The following SYCP2L variants were observed in gnomAD, a reference collection of about 807,000 sequenced individuals.
The protein encoded by SYCP2L is synaptonemal complex protein 2 like.
In SYCP2L, 98 loss-of-function variants were observed where a neutral mutation model predicts 125.8. The ratio of observed to expected loss-of-function variants is 0.78; its 90% CI spans 0.66 to 0.92. The LOEUF (loss-of-function observed/expected upper bound fraction) is 0.92, where lower values mean the gene tolerates loss of function less well. SYCP2L is among the 40% of genes least tolerant of loss of function. SYCP2L has a pLI of 0.00. For missense variants in SYCP2L, 842 were observed against 936.4 expected, an observed-to-expected ratio of 0.90 and a Z score of 1.32; for synonymous variants, 317 against 325.4, an observed-to-expected ratio of 0.97 and a Z score of 0.28.
chr6:10,887,266 C>T, intron 1 of SYCP2L, 131 bp downstream of exon 1: 1 of 1,235,988 alleles, frequency 8.1e-7, no homozygotes, highest in Non-Finnish European at 1.2e-6. Context: ...GCATAGTCCC[C>T]CGCCACCTCC....
At chr6:10,932,683 T>C (rs923937322) in intron 20 of SYCP2L, among the ~76,000 whole-genome samples, 2 of 152,110 alleles carry the variant, frequency 1.3e-5, no homozygotes, top group Admixed American at 1.3e-4. Flanking sequence ...CAGTTAGAAA[T>C]GGACCCAAAG....
At chr6:10,952,566 C>G (rs1419381559) in intron 23 of SYCP2L, among the ~76,000 whole-genome samples, 2 of 136,740 alleles carry the variant, frequency 1.5e-5, no homozygotes, top group Admixed American at 1.6e-4. Context: ...TGGGCTATTG[C>G]TACAAATTTG....
intron 23 of SYCP2L, among the ~76,000 whole-genome samples, chr6:10,950,928 G>A (rs996468466): frequency 3.3e-5 from 5 of 152,010 alleles, no homozygotes; most frequent in Non-Finnish European, 7.4e-5. Flanking sequence ...CCAAAGTGCT[G>A]GGATTATAGG....
intron 8 of SYCP2L, among the ~76,000 whole-genome samples, chr6:10,903,574 ACTCTAT>A (rs1056461496): frequency 9.3e-5 from 14 of 151,330 alleles, no homozygotes; most frequent in African/African-American, 2.9e-4. Flanking sequence ...AAAAAAAGAA[ACTCTAT>A]CTCTACTAAA....
chr6:10,962,374 G>A (rs1471727022), intron 28 of SYCP2L, among the ~76,000 whole-genome samples: 1 of 148,730 alleles, frequency 6.7e-6, no homozygotes, highest in Non-Finnish European at 1.5e-5. Context: ...CACAGTTAAT[G>A]ATGATGACTG....
At position 10,912,582 on chromosome 6, in the gene SYCP2L, G is replaced by A. The variant is rs939939276; in HGVS notation, c.919-91G>A. The stretch of plus-strand genomic sequence containing the variant: ...CTAGGATAATGCTGTTCCAGGAAGA[G>A]CACAAATTCTATTTTCAAGGGAATA... On this transcript the variant is annotated intron_variant, in intron 12 of 29. Transcript: ENST00000283141. This position sits in a 1 kb window ranked among gnomAD's most constrained non-coding sequence, Gnocchi z 4.1. 2.2e-6 allele frequency: 2 copies of A among 927,136 alleles called. No individual in the cohort carries two copies. Among genetic ancestry groups the A allele is most frequent in the Non-Finnish European group, 3.3e-6 (2 of 597,196 alleles). 57.4% of individuals were successfully genotyped at this position (927,136 alleles called of 1,614,324 possible). A position where few individuals can be genotyped will look rare whatever the true frequency, so the allele number is the denominator to read the frequency against.
At chr6:10,896,450 C>T (rs937361817) in intron 4 of SYCP2L, among the ~76,000 whole-genome samples, 3 of 151,898 alleles carry the variant, frequency 2.0e-5, no homozygotes, top group Non-Finnish European at 2.9e-5. Context: ...GCTGGGAGTG[C>T]GATAGGCTTT....
intron 14 of SYCP2L, among the ~76,000 whole-genome samples, chr6:10,913,454 G>T (rs73723611): frequency 0.021 from 3,168 of 152,226 alleles, 109 homozygotes; most frequent in African/African-American, 0.072. Flanking sequence ...CAGAGATTTT[G>T]ATTTGCATTC....
chr6:10,954,923 TC>T lies in SYCP2L; in HGVS notation c.1955-190del, dbSNP rs1283163450. On this transcript the variant is annotated intron_variant, in intron 23 of 29. Coordinates refer to ENST00000283141, the MANE Select transcript of SYCP2L (RefSeq NM_001040274.3). This position sits in a 1 kb window ranked among gnomAD's most constrained non-coding sequence, Gnocchi z 4.8. ...CTGAGCTCATCAAAGGGATGCCTGT[TC>T]CCATGTTCAGGTATCAGTAGACATC... is the stretch of plus-strand genomic sequence containing the variant. Among the ~76,000 whole-genome samples, 5 of 152,320 alleles carry T rather than the reference TC, an allele frequency of 3.3e-5. No homozygotes were observed. Among genetic ancestry groups the T allele is most frequent in the South Asian group, 4.1e-4 (2 of 4,824 alleles).
intron 17 of SYCP2L, among the ~76,000 whole-genome samples, chr6:10,927,996 G>A (rs183511645): frequency 2.0e-5 from 3 of 152,216 alleles, no homozygotes; most frequent in Admixed American, 6.5e-5. Flanking sequence ...CCGGCTCACC[G>A]GCGGTCAGAG....
chr6:10,955,636 T>A (rs1225750), intron 24 of SYCP2L, among the ~76,000 whole-genome samples: 1 of 151,952 alleles, frequency 6.6e-6, no homozygotes, highest in Admixed American at 6.5e-5. Context: ...AGGGCTCCAA[T>A]GCAACAGATT....
Position 10,956,233 on chromosome 6 carries a change from A to G in SYCP2L, c.2154A>G (p.Arg718=). 1 of 1,612,250 alleles carries G rather than the reference A, an allele frequency of 6.2e-7. No individual in the cohort carries two copies. Among genetic ancestry groups the G allele is most frequent in the Non-Finnish European group, 8.5e-7 (1 of 1,178,808 alleles). The change falls in exon 25 of 30, where the codon AGA becomes AGG. Residue 718 remains arginine, a synonymous_variant. Transcript: ENST00000283141. ...TFENFTKKRK[R]KYELRYRKRP... is the part of the protein sequence containing the mutation. ...AAAACTTCACTAAAAAACGGAAAAG[A>G]AAATATGAGGTAGTAGTCCACAAAA... is the stretch of plus-strand genomic sequence containing the variant.
chr6:10,933,128 C>T (rs1781027250), intron 20 of SYCP2L, among the ~76,000 whole-genome samples: 1 of 152,202 alleles, frequency 6.6e-6, no homozygotes, highest in Non-Finnish European at 1.5e-5. Context: ...GAGGGCATTG[C>T]TGACTTTCTA....
chr6:10,888,669 T>G (rs149775922), intron 1 of SYCP2L, among the ~76,000 whole-genome samples: 3 of 152,214 alleles, frequency 2.0e-5, no homozygotes, highest in African/African-American at 4.8e-5. Context: ...CATCTCTGCA[T>G]ACGAATTGAA....
At chr6:10,956,018 C>T in intron 24 of SYCP2L, 118 bp from the exon 25 acceptor site, 1 of 758,022 alleles carries the variant, frequency 1.3e-6, no homozygotes, top group Non-Finnish European at 2.2e-6. Context: ...GTCAGCGGGG[C>T]TTCCATGGTT....
At chr6:10,903,070 T>C in intron 8 of SYCP2L, 107 bp downstream of exon 8, 1 of 894,926 alleles carries the variant, frequency 1.1e-6, no homozygotes, top group Non-Finnish European at 1.8e-6. Context: ...CTTTCTCTCT[T>C]GGGTAAATGC....
At chr6:10,897,904 A>C in intron 4 of SYCP2L, 107 bp from the exon 5 acceptor site, 11 of 754,124 alleles carry the variant, frequency 1.5e-5, no homozygotes, top group East Asian at 2.7e-5. Flanking sequence ...TGGAATGGGA[A>C]AAGATCTTTA....
chr6:10,903,579 A>G (rs893197403), intron 8 of SYCP2L, among the ~76,000 whole-genome samples: 1 of 151,458 alleles, frequency 6.6e-6, no homozygotes, highest in Non-Finnish European at 1.5e-5. Context: ...AAGAAACTCT[A>G]TCTCTACTAA....
chr6:10,889,421 A>T (rs1235782230), intron 1 of SYCP2L, among the ~76,000 whole-genome samples: 3 of 152,174 alleles, frequency 2.0e-5, no homozygotes, highest in Admixed American at 1.3e-4. Flanking sequence ...TTGTGTTGGG[A>T]ATGTTCAAAA....
Sources: allele counts gnomAD v4.1 joint callset (sites outside exome capture counted in the v4.1 genomes callset), GRCh38; gene constraint gnomAD v4.1.1; non-coding constraint Gnocchi (gnomAD v3.1); transcripts MANE v1.5; gene names NCBI Gene and HGNC (gene_info 2026-07-23, HGNC 2026-07-21).